The following C1QL3 variants were observed in gnomAD, a reference collection of about 807,000 sequenced individuals.
The protein encoded by C1QL3 is complement C1q like 3.
A neutral mutation model predicts 16.6 loss-of-function variants in C1QL3; 4 were observed. The ratio of observed to expected loss-of-function variants is 0.24; its 90% CI spans 0.12 to 0.55. C1QL3 has a LOEUF of 0.55. C1QL3 is among the 20% of genes least tolerant of loss of function. C1QL3 has a pLI of 0.94. For missense variants in C1QL3, 269 were observed against 365.6 expected, an observed-to-expected ratio of 0.74 and a Z score of 2.16; for synonymous variants, 189 against 160.2, an observed-to-expected ratio of 1.18 and a Z score of -1.36.
chr10:16,521,337 T>TG lies in C1QL3; in HGVS notation c.-273dup, dbSNP rs1479142049. The TG allele has an allele frequency of 6.3e-6, 2 of 319,880 alleles. No individual in the cohort carries two copies. Among genetic ancestry groups the TG allele is most frequent in the Non-Finnish European group, 1.1e-5 (2 of 177,150 alleles). 19.8% of individuals were successfully genotyped at this position (319,880 alleles called of 1,614,324 possible). ...TTGAGCCGAAGTCCCGAGCCCGGGG[T>TG]GGGGGCCGGGGGAGGGGTGCGCGGG... On this transcript the variant is annotated 5_prime_UTR_variant, in exon 1 of 2. Coordinates refer to ENST00000298943, the MANE Select transcript of C1QL3 (RefSeq NM_001010908.2).
chr10:16,520,558 T>G lies in C1QL3; in HGVS notation c.508A>C (p.Ile170Leu). ...AGGACGTGGTAGGTGAAGAAGTAGA[T>G]GCCCGGGATGGAGCAGGTGAACTTG... is the stretch of plus-strand genomic sequence containing the variant. ...TGKFTCSIPG[I>L]YFFTYHVLMR... The change falls in exon 1 of 2, where the codon ATC becomes CTC. Residue 170 changes from isoleucine (I) to leucine (L), a missense_variant. Physicochemically the swap from Ile to Leu is conservative, Grantham distance 5. Coordinates refer to ENST00000298943, the MANE Select transcript of C1QL3 (RefSeq NM_001010908.2). This position sits in a 1 kb window ranked among gnomAD's most constrained non-coding sequence, Gnocchi z 8.3. 6.2e-7 allele frequency: 1 copy of G among 1,613,408 alleles called. No homozygotes were observed. Among genetic ancestry groups the G allele is most frequent in the Non-Finnish European group, 8.5e-7 (1 of 1,179,660 alleles).
chr10:16,520,937 G>T lies in C1QL3; in HGVS notation c.129C>A (p.Thr43=). The T allele has an allele frequency of 6.4e-7, 1 of 1,569,118 alleles. No individual in the cohort carries two copies. The change falls in exon 1 of 2, where the codon ACC becomes ACA. Residue 43 remains threonine (T), a synonymous_variant. Coordinates refer to ENST00000298943, the MANE Select transcript of C1QL3 (RefSeq NM_001010908.2). The surrounding 1 kb of genome is among the most constrained non-coding windows in gnomAD (Gnocchi z 8.3). ...TGAGGCCGCGGTCGGGCGTGGCAGCGGTGCTGGGCGCCTTGGTGCCCCCGT... is the reference window on the plus strand; with the variant it reads ...TGAGGCCGCGGTCGGGCGTGGCAGCTGTGCTGGGCGCCTTGGTGCCCCCGT... ...DPYGGTKAPS[T]AATPDRGLMQ...
chr10:16,517,350 T>C (rs1836966894), intron 1 of C1QL3, among the ~76,000 whole-genome samples: 1 of 152,222 alleles, frequency 6.6e-6, no homozygotes, highest in Admixed American at 6.5e-5. Context: ...ACTCATCCTT[T>C]TAAAAATATT....
In C1QL3 at chr10:16,520,015, C is replaced by G. The variant is rs1837014947; in HGVS notation, c.588+463G>C. Among the ~76,000 whole-genome samples the G allele has an allele frequency of 6.6e-6, 1 of 152,158 alleles. No homozygotes were observed. Among genetic ancestry groups the G allele is most frequent in the Admixed American group, 6.5e-5 (1 of 15,288 alleles). ...CATTCCTTCGGGGCCCTTGTTTCTC[C>G]CTCCGGCCTTTGTCTACCACCCCCG... On this transcript the variant is annotated intron_variant, in intron 1 of 1. Transcript: ENST00000298943. The surrounding 1 kb of genome is among the most constrained non-coding windows in gnomAD (Gnocchi z 8.3).
In C1QL3 at chr10:16,514,367, T is replaced by C. The variant is rs1380671483; in HGVS notation, c.*161A>G. On this transcript the variant is annotated 3_prime_UTR_variant, in exon 2 of 2. Transcript: ENST00000298943. ...TGCTTTGATATTTTTTACATAATGT[T>C]TCTGAGTGATACAGATGTGAGTCAG... 1.1e-5 allele frequency: 7 copies of C among 612,988 alleles called. No individual in the cohort carries two copies. The highest frequency in any genetic ancestry group is 9.1e-5 in the Admixed American group (3 of 32,848). The allele number at this position is 612,988 out of a possible 1,614,324, so 38.0% of individuals were successfully genotyped here. A position where few individuals can be genotyped will look rare whatever the true frequency, so the allele number is the denominator to read the frequency against.
At position 16,520,441 on chromosome 10, in the gene C1QL3, T is replaced by TCCCCC; in HGVS notation, c.588+36_588+37insGGGGG. 3 of 1,227,530 alleles carry TCCCCC rather than the reference T, an allele frequency of 2.4e-6. No individual in the cohort carries two copies. The highest frequency in any genetic ancestry group is 2.8e-5 in the East Asian group (1 of 35,374). The allele number at this position is 1,227,530 out of a possible 1,614,324, so 76.0% of individuals were successfully genotyped here. A position where few individuals can be genotyped will look rare whatever the true frequency, so the allele number is the denominator to read the frequency against. On this transcript the variant is annotated intron_variant, in intron 1 of 1. Transcript: ENST00000298943. The surrounding 1 kb of genome is among the most constrained non-coding windows in gnomAD (Gnocchi z 8.3). ...CCCTCTCGCCCGCACCTTCCCGCGC[T>TCCCCC]CCCTCCCCGCCCTCCCCGCCGCCCG... is the stretch of plus-strand genomic sequence containing the variant.
At position 16,520,236 on chromosome 10, in the gene C1QL3, G is replaced by C. The variant is rs1393432656; in HGVS notation, c.588+242C>G. 6.6e-6 allele frequency among the ~76,000 whole-genome samples: 1 copy of C among 152,028 alleles called. No homozygotes were observed. The highest frequency in any genetic ancestry group is 1.5e-5 in the Non-Finnish European group (1 of 67,980). ...CCTCGAGGGTCGCGCTCGCAGGGGCGCGCACCGATCGAGGGTCCCAGACTC... is the reference window on the plus strand; with the variant it reads ...CCTCGAGGGTCGCGCTCGCAGGGGCCCGCACCGATCGAGGGTCCCAGACTC... On this transcript the variant is annotated intron_variant, in intron 1 of 1. Coordinates refer to ENST00000298943, the MANE Select transcript of C1QL3 (RefSeq NM_001010908.2). The surrounding 1 kb of genome is among the most constrained non-coding windows in gnomAD (Gnocchi z 8.3).
intron 1 of C1QL3, among the ~76,000 whole-genome samples, chr10:16,517,568 C>G (rs186619734): frequency 1.0e-3 from 152 of 152,206 alleles, no homozygotes; most frequent in African/African-American, 3.5e-3. Context: ...TTCCTCTTTC[C>G]AAATGTAAAG....
chr10:16,520,888 G>A lies in C1QL3; in HGVS notation c.178C>T (p.Gln60Ter). Residue 60 changes from glutamine (Q) to a stop codon, truncating the protein, a stop_gained, in exon 1 of 2, where the codon CAG becomes TAG. Transcript: ENST00000298943. LOFTEE classifies it high-confidence loss of function. The surrounding 1 kb of genome is among the most constrained non-coding windows in gnomAD (Gnocchi z 8.3). ...GLMQSLPTFI[Q>*]GPKGEAGRPG... ...CTGCCGGCCTCGCCTTTGGGGCCCTGGATGAAGGTGGGCAGGGACTGCATG... is the reference window on the plus strand; with the variant it reads ...CTGCCGGCCTCGCCTTTGGGGCCCTAGATGAAGGTGGGCAGGGACTGCATG... The A allele has an allele frequency of 6.6e-7, 1 of 1,523,408 alleles. No homozygotes were observed. Among genetic ancestry groups the A allele is most frequent in the Non-Finnish European group, 8.7e-7 (1 of 1,143,030 alleles). 94.4% of individuals were successfully genotyped at this position (1,523,408 alleles called of 1,614,324 possible).
chr10:16,514,777 T>G (rs1836922818), intron 1 of C1QL3, 70 bp from the exon 2 acceptor site: 1 of 1,183,492 alleles, frequency 8.4e-7, no homozygotes, highest in African/African-American at 1.5e-5. Context: ...GCCATTCATG[T>G]AGCATCACAA....
At chr10:16,516,551 A>G (rs968814385) in intron 1 of C1QL3, among the ~76,000 whole-genome samples, 1 of 152,220 alleles carries the variant, frequency 6.6e-6, no homozygotes, top group Non-Finnish European at 1.5e-5. Context: ...ACTAATAACC[A>G]GACATATTTT....
Position 16,520,816 on chromosome 10 carries a change from G to T in C1QL3, c.250C>A (p.Pro84Thr). The change falls in exon 1 of 2, where the codon CCC (proline) becomes ACC (threonine). Residue 84 changes from proline (P) to threonine (T), a missense_variant. Coordinates refer to ENST00000298943, the MANE Select transcript of C1QL3 (RefSeq NM_001010908.2). This position sits in a 1 kb window ranked among gnomAD's most constrained non-coding sequence, Gnocchi z 8.3. ...PRGPPGEPGP[P>T]GPMGPPGEKG... ...TCGCCCGGGGGCCCCATGGGGCCGGGTGGCCCGGGCTCTCCGGGGGGCCCG... is the reference window on the plus strand; with the variant it reads ...TCGCCCGGGGGCCCCATGGGGCCGGTTGGCCCGGGCTCTCCGGGGGGCCCG... 2.2e-6 allele frequency: 3 copies of T among 1,333,490 alleles called. No homozygotes were observed. The highest frequency in any genetic ancestry group is 2.9e-6 in the Non-Finnish European group (3 of 1,043,522). The allele number at this position is 1,333,490 out of a possible 1,614,324, so 82.6% of individuals were successfully genotyped here.
rs1238345122 is a variant in C1QL3, at chr10:16,520,347, G to A, written c.588+131C>T. Reference sequence around the variant, plus strand: ...GGGTGGGACGGCGTCCCCCCTTGCCGTCGCTCCAGGGAGCCCGGCCGCCGC... The same window carrying A: ...GGGTGGGACGGCGTCCCCCCTTGCCATCGCTCCAGGGAGCCCGGCCGCCGC... On this transcript the variant is annotated intron_variant, in intron 1 of 1. Coordinates refer to ENST00000298943, the MANE Select transcript of C1QL3 (RefSeq NM_001010908.2). This position sits in a 1 kb window ranked among gnomAD's most constrained non-coding sequence, Gnocchi z 8.3. 1 of 693,674 alleles carries A rather than the reference G, an allele frequency of 1.4e-6. No homozygotes were observed. The allele number at this position is 693,674 out of a possible 1,614,324, so 43.0% of individuals were successfully genotyped here.
At position 16,520,693 on chromosome 10, in the gene C1QL3, G is replaced by A. The variant is rs781715609; in HGVS notation, c.373C>T (p.Pro125Ser). 7.5e-6 allele frequency: 12 copies of A among 1,606,054 alleles called. No homozygotes were observed. The highest frequency in any genetic ancestry group is 6.7e-5 in the Admixed American group (4 of 59,476). Residue 125 changes from proline (P) to serine (S), a missense_variant, in exon 1 of 2, where the codon CCC (proline) becomes TCC (serine). This residue lies in a region of C1QL3 where 246 missense variants were observed against 297.2 expected (regional missense o/e 0.83). Transcript: ENST00000298943. This position sits in a 1 kb window ranked among gnomAD's most constrained non-coding sequence, Gnocchi z 8.3. ...AISAATYSTV[P>S]KIAFYAGLKR... Reference sequence around the variant, plus strand: ...AGGCCGGCGTAGAAGGCGATCTTGGGCACCGTGCTGTAGGTGGCGGCGCTG... The same window carrying A: ...AGGCCGGCGTAGAAGGCGATCTTGGACACCGTGCTGTAGGTGGCGGCGCTG...
Position 16,520,934 on chromosome 10 carries a change from A to G in C1QL3, c.132T>C (p.Ala44=). Residue 44 remains alanine (A), a synonymous_variant, in exon 1 of 2, where the codon GCT becomes GCC. Coordinates refer to ENST00000298943, the MANE Select transcript of C1QL3 (RefSeq NM_001010908.2). The surrounding 1 kb of genome is among the most constrained non-coding windows in gnomAD (Gnocchi z 8.3). The part of the protein sequence containing the change: ...PYGGTKAPST[A]ATPDRGLMQS... ...GCATGAGGCCGCGGTCGGGCGTGGC[A>G]GCGGTGCTGGGCGCCTTGGTGCCCC... is the stretch of plus-strand genomic sequence containing the variant. 2 of 1,568,396 alleles carry G rather than the reference A, an allele frequency of 1.3e-6. No homozygotes were observed. The highest frequency in any genetic ancestry group is 1.7e-6 in the Non-Finnish European group (2 of 1,165,788).
Position 16,521,228 on chromosome 10 carries a change from G to T in C1QL3, c.-163C>A. On this transcript the variant is annotated 5_prime_UTR_variant, in exon 1 of 2. Coordinates refer to ENST00000298943, the MANE Select transcript of C1QL3 (RefSeq NM_001010908.2). ...CCCCTGCGAACCCCAACTCCCCTGG[G>T]CGTGCGTGCGCCGGCCGCTGCTGCC... 1.6e-6 allele frequency: 1 copy of T among 611,832 alleles called. No homozygotes were observed. The allele number at this position is 611,832 out of a possible 1,614,324, so 37.9% of individuals were successfully genotyped here.
chr10:16,518,322 A>G (rs1172869374), intron 1 of C1QL3, among the ~76,000 whole-genome samples: 1 of 152,268 alleles, frequency 6.6e-6, no homozygotes, highest in Non-Finnish European at 1.5e-5. Flanking sequence ...GAACTAAAAA[A>G]AAATGTTTAC....
chr10:16,515,464 A>G (rs549027436), intron 1 of C1QL3, among the ~76,000 whole-genome samples: 2 of 152,176 alleles, frequency 1.3e-5, no homozygotes, highest in Non-Finnish European at 2.9e-5. Flanking sequence ...CTAAATTTTC[A>G]TGCTCTGAGG....
Position 16,520,921 on chromosome 10 carries a change from G to T in C1QL3, c.145C>A (p.Arg49Ser). Reference sequence around the variant, plus strand: ...GTGGGCAGGGACTGCATGAGGCCGCGGTCGGGCGTGGCAGCGGTGCTGGGC... The same window carrying T: ...GTGGGCAGGGACTGCATGAGGCCGCTGTCGGGCGTGGCAGCGGTGCTGGGC... ...KAPSTAATPD[R>S]GLMQSLPTFI... Residue 49 changes from arginine (R) to serine (S), a missense_variant, in exon 1 of 2, where the codon CGC becomes AGC. Coordinates refer to ENST00000298943, the MANE Select transcript of C1QL3 (RefSeq NM_001010908.2). The surrounding 1 kb of genome is among the most constrained non-coding windows in gnomAD (Gnocchi z 8.3). 6.4e-7 allele frequency: 1 copy of T among 1,562,614 alleles called. No individual in the cohort carries two copies. The highest frequency in any genetic ancestry group is 8.6e-7 in the Non-Finnish European group (1 of 1,162,846).
Sources: allele counts gnomAD v4.1 joint callset (sites outside exome capture counted in the v4.1 genomes callset), GRCh38; gene constraint gnomAD v4.1.1; regional missense constraint gnomAD v4.1.1; non-coding constraint Gnocchi (gnomAD v3.1); transcripts MANE v1.5; gene names NCBI Gene and HGNC (gene_info 2026-07-23, HGNC 2026-07-21).